Variants in KAZN observed in about 807,000 individuals in gnomAD.
KAZN encodes the protein kazrin.
KAZN carries 40 observed loss-of-function variants against 87.4 expected under a neutral mutation model. The observed-to-expected ratio is 0.46, with a 90% CI of 0.36 to 0.60. The LOEUF (loss-of-function observed/expected upper bound fraction) is 0.60. Among genes scored for constraint, KAZN ranks in the 20% least tolerant of loss-of-function variants. The pLI is 0.00. For missense variants in KAZN, 898 were observed against 1,073.9 expected (o/e 0.84, Z 2.29); for synonymous variants, 466 against 458.3 (o/e 1.02, Z -0.22).
chr1:15,114,449 G>C lies in KAZN; in HGVS notation c.2164-22G>C, dbSNP rs758052221. 1.9e-6 allele frequency: 3 copies of C among 1,586,388 alleles called. No individual in the cohort carries two copies. The Admixed American group carries it at 5.2e-5, about 28-fold the overall frequency. On this transcript the variant is annotated intron_variant, in intron 14 of 14. Coordinates refer to ENST00000376030, the MANE Select transcript of KAZN (RefSeq NM_201628.3). Reference sequence around the variant, plus strand: ...CTTGTTTCTCTTCTTCCTGTCCTTTGATCATATTCTTCTCTTCTCAGCTGC... The same window carrying C: ...CTTGTTTCTCTTCTTCCTGTCCTTTCATCATATTCTTCTCTTCTCAGCTGC...
intron 1 of KAZN, among the ~76,000 whole-genome samples, chr1:14,875,850 T>C (rs1235029489): frequency 3.3e-5 from 5 of 152,208 alleles, no homozygotes; most frequent in Admixed American, 6.5e-5. Flanking sequence ...CAATCTGAAG[T>C]GTGACCTCGG....
intron 2 of KAZN, among the ~76,000 whole-genome samples, chr1:14,584,580 C>A (rs1199749057): frequency 3.9e-5 from 6 of 152,142 alleles, no homozygotes; most frequent in Non-Finnish European, 5.9e-5. Flanking sequence ...CCGAAGTGTA[C>A]CTGTTCAAAA....
At chr1:15,043,567 C>T (rs182430579) in intron 3 of KAZN, among the ~76,000 whole-genome samples, 3 of 149,618 alleles carry the variant, frequency 2.0e-5, no homozygotes, top group African/African-American at 4.9e-5. Context: ...AGCTGGAGTT[C>T]GTGCCCACGG....
At chr1:14,978,325 G>C (rs1003218779) in intron 2 of KAZN, among the ~76,000 whole-genome samples, 2 of 152,200 alleles carry the variant, frequency 1.3e-5, no homozygotes, top group Non-Finnish European at 2.9e-5. Flanking sequence ...AAGCCACTGG[G>C]ACCAGATGAA....
chr1:14,110,167 G>C (rs1644468809), intron 1 of KAZN, among the ~76,000 whole-genome samples: 1 of 152,138 alleles, frequency 6.6e-6, no homozygotes, highest in Admixed American at 6.5e-5. Context: ...GGTGGTTTTT[G>C]TCCACATCCT....
intron 1 of KAZN, among the ~76,000 whole-genome samples, chr1:13,923,572 CAA>C (rs58947999): frequency 4.1e-4 from 23 of 55,898 alleles, no homozygotes; most frequent in African/African-American, 1.2e-3. Flanking sequence ...GACTCCATCT[CAA>C]AAAAAAAAAA....
At chr1:14,259,028 G>T (rs1650799388) in intron 2 of KAZN, among the ~76,000 whole-genome samples, 1 of 152,094 alleles carries the variant, frequency 6.6e-6, no homozygotes, top group African/African-American at 2.4e-5. Context: ...AGACTCAAAG[G>T]TCTGTCAGGT....
intron 1 of KAZN, among the ~76,000 whole-genome samples, chr1:14,783,616 G>T (rs1645419640): frequency 1.3e-5 from 2 of 152,194 alleles, no homozygotes; most frequent in South Asian, 2.1e-4. Context: ...GCTAAGAAAT[G>T]ATCCCACTGC....
At chr1:14,482,922 T>A (rs1669159174) in intron 2 of KAZN, among the ~76,000 whole-genome samples, 2 of 152,206 alleles carry the variant, frequency 1.3e-5, no homozygotes, top group African/African-American at 4.8e-5. Context: ...TATCCTTAGG[T>A]AAGTTACATA....
chr1:13,981,097 A>ATATATATATATATATATATATATGTG, intron 1 of KAZN, among the ~76,000 whole-genome samples: 1 of 96,936 alleles, frequency 1.0e-5, no homozygotes, highest in East Asian at 2.2e-4. Context: ...CTTTATATAT[A>ATATATATATATATATATATATATGTG]TATATATATA....
At chr1:14,189,599 C>T (rs1646382293) in intron 2 of KAZN, among the ~76,000 whole-genome samples, 1 of 152,172 alleles carries the variant, frequency 6.6e-6, no homozygotes, top group Non-Finnish European at 1.5e-5. Context: ...TGACTCACCT[C>T]TCTCACCCTC....
At chr1:15,036,552 C>T (rs1672357603) in intron 3 of KAZN, among the ~76,000 whole-genome samples, 1 of 152,056 alleles carries the variant, frequency 6.6e-6, no homozygotes, top group South Asian at 2.1e-4. Flanking sequence ...CCCACAGAGG[C>T]TGCTTTCTCA....
chr1:14,373,635 T>G (rs1411991063), intron 2 of KAZN, among the ~76,000 whole-genome samples: 2 of 152,196 alleles, frequency 1.3e-5, no homozygotes, highest in African/African-American at 2.4e-5. Context: ...CCCAGTCAAG[T>G]TGACACATAA....
chr1:14,541,969 G>C (rs1308696612), intron 2 of KAZN, among the ~76,000 whole-genome samples: 2 of 152,156 alleles, frequency 1.3e-5, no homozygotes, highest in Non-Finnish European at 2.9e-5. Flanking sequence ...GCCTGTTGAG[G>C]CGATTGTCAG....
At chr1:14,537,014 G>A (rs1275921111) in intron 2 of KAZN, among the ~76,000 whole-genome samples, 1 of 152,306 alleles carries the variant, frequency 6.6e-6, no homozygotes, top group Non-Finnish European at 1.5e-5. Context: ...AGTAGAGATG[G>A]CACCTGACTT....
chr1:14,277,662 GAAAAAAA>G (rs368768615), intron 2 of KAZN, among the ~76,000 whole-genome samples: 8 of 112,418 alleles, frequency 7.1e-5, no homozygotes, highest in South Asian at 3.1e-4. Context: ...ACTCCCTCTT[GAAAAAAA>G]AAAAAAAAGA....
chr1:15,074,856 G>A (rs1639669368), intron 8 of KAZN, among the ~76,000 whole-genome samples: 1 of 152,212 alleles, frequency 6.6e-6, no homozygotes, highest in Non-Finnish European at 1.5e-5. Context: ...AGGTCAGAGT[G>A]TGGCTGCAGG....
At chr1:14,841,489 C>G (rs1648009160) in intron 1 of KAZN, among the ~76,000 whole-genome samples, 1 of 150,742 alleles carries the variant, frequency 6.6e-6, no homozygotes, top group African/African-American at 2.4e-5. Flanking sequence ...AGAGGACACT[C>G]CCTGGCCAAA....
intron 1 of KAZN, among the ~76,000 whole-genome samples, chr1:14,916,217 T>C (rs1657804752): frequency 7.3e-6 from 1 of 136,582 alleles, no homozygotes; most frequent in African/African-American, 2.7e-5. Flanking sequence ...TCACCCAGGC[T>C]GAAATGCAGT....
Sources: allele counts gnomAD v4.1 joint callset (sites outside exome capture counted in the v4.1 genomes callset), GRCh38; gene constraint gnomAD v4.1.1; transcripts MANE v1.5; gene names NCBI Gene and HGNC (gene_info 2026-07-23, HGNC 2026-07-21).